RNF217: variants seen among roughly 807,000 people sequenced by gnomAD.
RNF217 encodes E3 ubiquitin-protein ligase RNF217.
A neutral mutation model predicts 57.8 loss-of-function variants in RNF217; 31 were observed. The observed-to-expected ratio is 0.54, with a 90% CI of 0.40 to 0.72. The LOEUF is 0.72. RNF217 is among the 30% of genes least tolerant of loss of function. The probability of loss-of-function intolerance (pLI) is 0.00; values close to 1 mark genes in which losing one functional copy is unlikely to be tolerated. For missense variants in RNF217, 696 were observed against 708.3 expected, an observed-to-expected ratio of 0.98 and a Z score of 0.20; for synonymous variants, 313 against 294.0, an observed-to-expected ratio of 1.06 and a Z score of -0.66.
At chr6:125,066,479 C>G (rs150082835) in intron 3 of RNF217, among the ~76,000 whole-genome samples, 162 of 152,290 alleles carry the variant, frequency 1.1e-3, no homozygotes, top group African/African-American at 3.7e-3. Flanking sequence ...CTCAGGATCT[C>G]AGACTTGCCT....
At chr6:125,034,933 C>T (rs1276625905) in intron 1 of RNF217, among the ~76,000 whole-genome samples, 3 of 152,094 alleles carry the variant, frequency 2.0e-5, no homozygotes, top group Non-Finnish European at 4.4e-5. Flanking sequence ...AGTTGGATTC[C>T]TAAATATTTT....
chr6:125,043,770 C>CA (rs969231540), intron 1 of RNF217, among the ~76,000 whole-genome samples: 2 of 151,762 alleles, frequency 1.3e-5, no homozygotes, highest in African/African-American at 4.8e-5. Context: ...CAGACTCATC[C>CA]AAAAAAATAG....
In RNF217 at chr6:124,963,209, G is replaced by A. The variant is rs1419126967; in HGVS notation, c.665G>A (p.Ser222Asn). The A allele has an allele frequency of 1.6e-5, 25 of 1,536,004 alleles. No homozygotes were observed. The highest frequency in any genetic ancestry group is 2.2e-5 in the Non-Finnish European group (25 of 1,146,918). Residue 222 changes from serine to asparagine, a missense_variant, in exon 1 of 6, where the codon AGC becomes AAC. By Grantham distance (46) the Ser-to-Asn change is conservative. Coordinates refer to ENST00000521654, the MANE Select transcript of RNF217 (RefSeq NM_001286398.3). ...GATTCCCTCTCCCCCGACGGCGGCA[G>A]CATCGAGCTGGAGTTCTACCTGGCG... is the stretch of plus-strand genomic sequence containing the variant. The part of the protein sequence containing the change: ...PTDSLSPDGG[S>N]IELEFYLAPE...
rs528195837 is a variant in RNF217, at chr6:125,026,859, A to G, written c.883-18352A>G. On this transcript the variant is annotated intron_variant, in intron 1 of 5. Coordinates refer to ENST00000521654, the MANE Select transcript of RNF217 (RefSeq NM_001286398.3). ...AAAACAAATTAAAATGAACTGTGAT[A>G]TACTAGTTATAGAGTAGTATTATTT... is the stretch of plus-strand genomic sequence containing the variant. 1.2e-3 allele frequency among the ~76,000 whole-genome samples: 184 copies of G among 152,312 alleles called. 1 individual carries two copies. Among genetic ancestry groups the G allele is most frequent in the African/African-American group, 4.1e-3 (171 of 41,576 alleles).
Position 124,963,242 on chromosome 6 carries a change from C to G in RNF217, c.698C>G (p.Pro233Arg), listed in dbSNP as rs1473331824. The change falls in exon 1 of 6, where the codon CCG becomes CGG. Residue 233 changes from proline (P) to arginine (R), a missense_variant. Pro to Arg is a moderately radical substitution (Grantham distance 103). Around this residue, in one of 2 missense-constraint regions of RNF217, gnomAD observed 465 missense variants for 386.8 expected, o/e 1.20. Coordinates refer to ENST00000521654, the MANE Select transcript of RNF217 (RefSeq NM_001286398.3). ...IELEFYLAPEPFSMPSLLGAP... is the reference protein window; with the variant it reads ...IELEFYLAPERFSMPSLLGAP... ...CTGGAGTTCTACCTGGCGCCCGAGC[C>G]GTTCTCCATGCCCAGCCTGTTGGGA... 6.5e-7 allele frequency: 1 copy of G among 1,536,126 alleles called. No homozygotes were observed. Among genetic ancestry groups the G allele is most frequent in the South Asian group, 1.2e-5 (1 of 84,056 alleles).
intron 1 of RNF217, among the ~76,000 whole-genome samples, chr6:125,034,433 C>A (rs1582734407): frequency 6.6e-6 from 1 of 152,258 alleles, no homozygotes; most frequent in East Asian, 1.9e-4. Context: ...GTTTTCCCAG[C>A]ACCATTTATT....
chr6:125,022,165 C>A (rs1384739395), intron 1 of RNF217, among the ~76,000 whole-genome samples: 6 of 152,060 alleles, frequency 3.9e-5, no homozygotes, highest in African/African-American at 1.2e-4. Context: ...TACAGGCCTG[C>A]ACCACCATGC....
intron 1 of RNF217, among the ~76,000 whole-genome samples, chr6:125,036,088 C>A (rs189256168): frequency 6.6e-6 from 1 of 152,088 alleles, no homozygotes; most frequent in Non-Finnish European, 1.5e-5. Flanking sequence ...CCCCCTACCC[C>A]CTGACAGGCC....
chr6:125,066,684 A>G (rs1396077630), intron 3 of RNF217, among the ~76,000 whole-genome samples: 2 of 152,104 alleles, frequency 1.3e-5, no homozygotes, highest in Admixed American at 6.6e-5. Context: ...CCATGGTATT[A>G]TATTACTTAT....
rs1160933591 is a variant in RNF217 at position 124,962,964 on chromosome 6, G to A, written c.420G>A (p.Gly140=). 3 of 1,597,094 alleles carry A rather than the reference G, an allele frequency of 1.9e-6. No individual in the cohort carries two copies. In the East Asian group the frequency reaches 6.7e-5, roughly 36 times the overall value. ...AGCTGGAGCCCAGGACCCGCGTGGGGGCCGCCGACGGACTGGTCCTGGACG... is the reference window on the plus strand; with the variant it reads ...AGCTGGAGCCCAGGACCCGCGTGGGAGCCGCCGACGGACTGGTCCTGGACG... ...GEELEPRTRV[G]AADGLVLDVL... The change falls in exon 1 of 6, where the codon GGG becomes GGA. Residue 140 remains glycine (G), a synonymous_variant. Coordinates refer to ENST00000521654, the MANE Select transcript of RNF217 (RefSeq NM_001286398.3). This position sits in a 1 kb window ranked among gnomAD's most constrained non-coding sequence, Gnocchi z 4.6.
At chr6:125,053,397 T>G (rs1294669163) in intron 2 of RNF217, among the ~76,000 whole-genome samples, 1 of 152,158 alleles carries the variant, frequency 6.6e-6, no homozygotes, top group Non-Finnish European at 1.5e-5. Flanking sequence ...GCTTCATTAT[T>G]GAGAATCTGA....
chr6:124,994,216 C>G (rs183390493), intron 1 of RNF217, among the ~76,000 whole-genome samples: 2 of 152,228 alleles, frequency 1.3e-5, no homozygotes, highest in African/African-American at 4.8e-5. Context: ...GCAGAATAGT[C>G]TAACCCCATG....
At chr6:125,041,989 A>G (rs1049515061) in intron 1 of RNF217, among the ~76,000 whole-genome samples, 2 of 152,088 alleles carry the variant, frequency 1.3e-5, no homozygotes, top group Non-Finnish European at 2.9e-5. Context: ...TTTCGAGAAA[A>G]TAAAATGTGC....
At chr6:124,986,813 G>A (rs1784381884) in intron 1 of RNF217, among the ~76,000 whole-genome samples, 1 of 152,060 alleles carries the variant, frequency 6.6e-6, no homozygotes, top group African/African-American at 2.4e-5. Context: ...AAATATAATA[G>A]TATTAGTAAT....
At chr6:124,965,138 G>A (rs1300174816) in intron 1 of RNF217, among the ~76,000 whole-genome samples, 1 of 151,470 alleles carries the variant, frequency 6.6e-6, no homozygotes, top group Non-Finnish European at 1.5e-5. Context: ...ACATAGTCAA[G>A]TGGTCATTGC....
At chr6:124,963,753 C>T (rs753203438) in intron 1 of RNF217, among the ~76,000 whole-genome samples, 2 of 152,210 alleles carry the variant, frequency 1.3e-5, no homozygotes, top group Admixed American at 6.5e-5. Flanking sequence ...ACTGCCTCAT[C>T]GGCCTGGTAT....
intron 1 of RNF217, among the ~76,000 whole-genome samples, chr6:124,970,001 C>T (rs1783701590): frequency 6.6e-6 from 1 of 152,030 alleles, no homozygotes; most frequent in African/African-American, 2.4e-5. Flanking sequence ...TAGAAGCATA[C>T]GTGTGAGTTT....
At chr6:124,979,626 G>A (rs1784085128) in intron 1 of RNF217, among the ~76,000 whole-genome samples, 1 of 152,158 alleles carries the variant, frequency 6.6e-6, no homozygotes, top group East Asian at 1.9e-4. Context: ...GAGAGCAGAG[G>A]GGAATCTGAA....
chr6:125,028,879 T>C (rs1786227188), intron 1 of RNF217, among the ~76,000 whole-genome samples: 2 of 152,136 alleles, frequency 1.3e-5, no homozygotes, highest in South Asian at 4.1e-4. Context: ...ACTGCCTTTT[T>C]ATATATTTTA....
Sources: gnomAD v4.1 joint callset for allele counts (sites outside exome capture counted in the v4.1 genomes callset) on GRCh38, gnomAD v4.1.1 for gene constraint, gnomAD v4.1.1 regional missense constraint, Gnocchi (gnomAD v3.1) non-coding constraint, MANE v1.5 for transcripts, NCBI Gene and HGNC (gene_info 2026-07-23, HGNC 2026-07-21) for gene names.